SLC26A4: variants seen among roughly 807,000 people sequenced by gnomAD.
SLC26A4 encodes the protein pendrin.
Under a neutral mutation model 90.4 loss-of-function variants are expected in SLC26A4, and 93 were observed. The ratio of observed to expected loss-of-function variants is 1.03; its 90% CI spans 0.87 to 1.22. The LOEUF (loss-of-function observed/expected upper bound fraction) is 1.22, where lower values mean the gene tolerates loss of function less well. Among genes scored for constraint, SLC26A4 ranks in the 50% most tolerant of loss-of-function variants. The pLI, the probability that SLC26A4 is intolerant of heterozygous loss-of-function variation, is 0.00. For synonymous variants in SLC26A4, 393 were observed against 354.6 expected, an observed-to-expected ratio of 1.11 and a Z score of -1.22; for missense variants, 1,127 against 946.2, an observed-to-expected ratio of 1.19 and a Z score of -2.51.
intron 10 of SLC26A4, among the ~76,000 whole-genome samples, chr7:107,691,510 T>TACACACACACACACACACAC (rs780039045): frequency 2.0e-5 from 1 of 51,180 alleles, no homozygotes; most frequent in South Asian, 8.1e-4. Flanking sequence ...GTCAAATATA[T>TACACACACACACACACACAC]ATATACACAC....
At chr7:107,676,710 A>G (rs1314079205) in intron 6 of SLC26A4, among the ~76,000 whole-genome samples, 4 of 152,218 alleles carry the variant, frequency 2.6e-5, no homozygotes, top group East Asian at 1.9e-4. Context: ...GGCCATGTAC[A>G]CATATCTAAG....
chr7:107,691,189 C>T (rs529048692), intron 10 of SLC26A4, among the ~76,000 whole-genome samples: 3 of 148,894 alleles, frequency 2.0e-5, no homozygotes, highest in Non-Finnish European at 4.4e-5. Flanking sequence ...ATGGGTTTTA[C>T]TAAGGCGGGG....
At chr7:107,686,094 G>GGTGTGTGTGTGTGGGTGTGT (rs1483607884) in intron 8 of SLC26A4, among the ~76,000 whole-genome samples, 12 of 137,032 alleles carry the variant, frequency 8.8e-5, no homozygotes, top group Admixed American at 5.9e-4. Flanking sequence ...TGATCTCTGT[G>GGTGTGTGTGTGTGGGTGTGT]GTGTGTGTGT....
At position 107,701,821 on chromosome 7, in the gene SLC26A4, G is replaced by A. The variant is rs377713770; in HGVS notation, c.1804-6G>A. 1.1e-4 allele frequency: 176 copies of A among 1,556,160 alleles called. No individual in the cohort carries two copies. Among genetic ancestry groups the A allele is most frequent in the East Asian group, 9.9e-4 (44 of 44,570 alleles). On this transcript the variant is annotated splice_region_variant and splice_polypyrimidine_tract_variant and intron_variant, in intron 16 of 20. Transcript: ENST00000644269. Reference sequence around the variant, plus strand: ...CAATTAAGTTGACAGTGTTTTCTTCGTTTAGAATGGCATCATAAGTGATGC... The same window carrying A: ...CAATTAAGTTGACAGTGTTTTCTTCATTTAGAATGGCATCATAAGTGATGC...
chr7:107,692,481 T>C (rs1791601377), intron 10 of SLC26A4, among the ~76,000 whole-genome samples: 1 of 152,222 alleles, frequency 6.6e-6, no homozygotes, highest in Non-Finnish European at 1.5e-5. Flanking sequence ...CACATACTTG[T>C]AAATGCTCAT....
chr7:107,695,930 T>G lies in SLC26A4; in HGVS notation c.1438-3T>G. 1 of 1,513,412 alleles carries G rather than the reference T, an allele frequency of 6.6e-7. No homozygotes were observed. Among genetic ancestry groups the G allele is most frequent in the Non-Finnish European group, 9.2e-7 (1 of 1,088,474 alleles). The allele number at this position is 1,513,412 out of a possible 1,614,324, so 93.7% of individuals were successfully genotyped here. On this transcript the variant is annotated splice_polypyrimidine_tract_variant and splice_region_variant and intron_variant, in intron 12 of 20. Transcript: ENST00000644269. ...TTCTTTTCATTTCTATTTTTTTCCC[T>G]AGGTTATCTGGGTGTTTACGTGTAT...
rs1286845839 is a variant in SLC26A4, at chr7:107,680,000, TATC to T, written c.766-3201_766-3199del. Among the ~76,000 whole-genome samples, 6 of 134,062 alleles carry T rather than the reference TATC, an allele frequency of 4.5e-5. 1 individual carries two copies. Among genetic ancestry groups the T allele is most frequent in the Non-Finnish European group, 9.2e-5 (6 of 64,960 alleles). The allele number at this position is 134,062 out of a possible 152,430, so 87.9% of individuals were successfully genotyped here. A position where few individuals can be genotyped will look rare whatever the true frequency, so the allele number is the denominator to read the frequency against. On this transcript the variant is annotated intron_variant, in intron 6 of 20. Transcript: ENST00000644269. ...ATAATCTTATTATATAATATAATCTTATCTTATTATATAATATAATCTTATTAT... is the reference window on the plus strand; with the variant it reads ...ATAATCTTATTATATAATATAATCTTTTATTATATAATATAATCTTATTAT...
rs758545460 is a variant in SLC26A4 at position 107,694,597 on chromosome 7, A to T, written c.1342-24A>T. 16 of 1,585,766 alleles carry T rather than the reference A, an allele frequency of 1.0e-5. 1 individual carries two copies. The Middle Eastern group carries it at 6.7e-4, about 66-fold the overall frequency. On this transcript the variant is annotated intron_variant, in intron 11 of 20. Transcript: ENST00000644269. ...TGGAAAACCATTCCCTGAATAACAC[A>T]GCCTTCTCTGTCTCTCTTGGCAGTC...
chr7:107,694,676 G>A lies in SLC26A4; in HGVS notation c.1397G>A (p.Cys466Tyr), dbSNP rs1554359686. The A allele has an allele frequency of 6.2e-7, 1 of 1,613,630 alleles. No individual in the cohort carries two copies. Among genetic ancestry groups the A allele is most frequent in the African/African-American group, 1.3e-5 (1 of 75,032 alleles). ...CTGAAAGGGATGTTTATGCAGCTGTGTGACATTCCTCGTCTGTGGAGACAG... is the reference window on the plus strand; with the variant it reads ...CTGAAAGGGATGTTTATGCAGCTGTATGACATTCCTCGTCTGTGGAGACAG... Reference protein sequence around the residue: ...ANLKGMFMQLCDIPRLWRQNK... With the variant: ...ANLKGMFMQLYDIPRLWRQNK... Residue 466 changes from cysteine (C) to tyrosine (Y), a missense_variant, in exon 12 of 21, where the codon TGT becomes TAT. Cys to Tyr is a radical substitution (Grantham distance 194). Transcript: ENST00000644269.
rs748834750 is a variant in SLC26A4 at position 107,674,976 on chromosome 7, T to C, written c.632T>C (p.Ile211Thr). ...LIFGGLQIGF[I>T]VRYLADPLVG... ...TTTGGTGGCTTGCAGATTGGATTCA[T>C]AGTGAGGTACTTGGCAGATCCTTTG... The change falls in exon 6 of 21, where the codon ATA (isoleucine) becomes ACA (threonine). Residue 211 changes from isoleucine (I) to threonine (T), a missense_variant. Coordinates refer to ENST00000644269, the MANE Select transcript of SLC26A4 (RefSeq NM_000441.2). 28 of 1,614,158 alleles carry C rather than the reference T, an allele frequency of 1.7e-5. 1 individual carries two copies. The South Asian group carries it at 2.0e-4, about 11-fold the overall frequency.
intron 13 of SLC26A4, 81 bp from the exon 14 acceptor site, chr7:107,697,961 T>C (rs1197318639): frequency 2.3e-6 from 2 of 861,360 alleles, no homozygotes; most frequent in Non-Finnish European, 4.0e-6. Flanking sequence ...TGATGGGCTC[T>C]TTAGTAGCTG....
At chr7:107,684,207 C>A (rs550313699) in intron 8 of SLC26A4, among the ~76,000 whole-genome samples, 47 of 152,242 alleles carry the variant, frequency 3.1e-4, no homozygotes, top group African/African-American at 1.1e-3. Flanking sequence ...CACCCTACAC[C>A]ATAATTTTCT....
At chr7:107,696,107 T>A (rs1406834022) in intron 13 of SLC26A4, 68 bp downstream of exon 13, 3 of 917,020 alleles carry the variant, frequency 3.3e-6, no homozygotes, top group Non-Finnish European at 1.8e-6. Flanking sequence ...TATACCATTT[T>A]GATAAATATA....
chr7:107,688,316 G>A (rs1004836660), intron 8 of SLC26A4, among the ~76,000 whole-genome samples: 1 of 152,154 alleles, frequency 6.6e-6, no homozygotes. Flanking sequence ...ACCTTTCATG[G>A]CTGGGGGCCT....
In SLC26A4 at chr7:107,701,844, T is replaced by C. The variant is rs1242369967; in HGVS notation, c.1821T>C (p.Asp607=). ...LRATKNGIIS[D]AVSTNNAFEP... ...TCGTTTAGAATGGCATCATAAGTGA[T>C]GCTGTTTCAACAAATAATGCTTTTG... is the stretch of plus-strand genomic sequence containing the variant. Residue 607 remains aspartate, a synonymous_variant, in exon 17 of 21, where the codon GAT becomes GAC. Transcript: ENST00000644269. The C allele has an allele frequency of 1.2e-6, 2 of 1,606,662 alleles. No individual in the cohort carries two copies. Among genetic ancestry groups the C allele is most frequent in the Non-Finnish European group, 1.7e-6 (2 of 1,173,380 alleles).
chr7:107,714,488 A>G (rs1792287023), intron 20 of SLC26A4, among the ~76,000 whole-genome samples: 1 of 152,168 alleles, frequency 6.6e-6, no homozygotes, highest in South Asian at 2.1e-4. Context: ...CAGGAAAGTC[A>G]TTATCGACCT....
At chr7:107,663,948 G>T (rs2129309398) in intron 3 of SLC26A4, among the ~76,000 whole-genome samples, 1 of 152,206 alleles carries the variant, frequency 6.6e-6, no homozygotes, top group Admixed American at 6.5e-5. Context: ...CTCCCAAAAT[G>T]CTGGGATTAC....
At chr7:107,681,036 C>T (rs1385596370) in intron 6 of SLC26A4, among the ~76,000 whole-genome samples, 3 of 152,148 alleles carry the variant, frequency 2.0e-5, no homozygotes, top group African/African-American at 7.2e-5. Flanking sequence ...TGCTAAATGC[C>T]CTAAGTTCTT....
chr7:107,702,129 T>C, intron 17 of SLC26A4, 72 bp downstream of exon 17: 1 of 964,980 alleles, frequency 1.0e-6, no homozygotes. Flanking sequence ...TTGTCCAGTA[T>C]TGCAACAGGG....
Sources: gnomAD v4.1 joint callset for allele counts (sites outside exome capture counted in the v4.1 genomes callset) on GRCh38, gnomAD v4.1.1 for gene constraint, MANE v1.5 for transcripts, NCBI Gene and HGNC (gene_info 2026-07-23, HGNC 2026-07-21) for gene names.